The following ZFAND2B variants were observed in gnomAD, a reference collection of about 807,000 sequenced individuals.
ZFAND2B encodes the protein AN1-type zinc finger protein 2B.
A neutral mutation model predicts 38.2 loss-of-function variants in ZFAND2B; 27 were observed. The ratio of observed to expected loss-of-function variants is 0.71; its 90% CI spans 0.52 to 0.97. The LOEUF is 0.97. Ranked by LOEUF, ZFAND2B falls within the 50% of genes least tolerant of loss-of-function variation. The pLI is 0.00. For missense variants in ZFAND2B, 303 were observed against 331.5 expected, an observed-to-expected ratio of 0.91 and a Z score of 0.67; for synonymous variants, 111 against 119.4, an observed-to-expected ratio of 0.93 and a Z score of 0.46.
At position 219,207,645 on chromosome 2, in the gene ZFAND2B, C is replaced by T. The variant is rs757125611; in HGVS notation, c.151-3C>T. The T allele has an allele frequency of 1.2e-6, 2 of 1,614,188 alleles. No individual in the cohort carries two copies. Among genetic ancestry groups the T allele is most frequent in the Non-Finnish European group, 1.7e-6 (2 of 1,180,006 alleles). ...CAGACTGACCCTTGCTCCTTGACTA[C>T]AGGATATCCAGGTACCTGTGTGCCC... On this transcript the variant is annotated splice_polypyrimidine_tract_variant and splice_region_variant and intron_variant, in intron 2 of 8. Transcript: ENST00000289528.
rs140672104 is a variant in ZFAND2B, at chr2:219,208,031, C to T, written c.427C>T (p.Arg143Trp). Residue 143 changes from arginine to tryptophan, a missense_variant, in exon 4 of 9, where the codon CGG (arginine) becomes TGG (tryptophan). Coordinates refer to ENST00000289528, the MANE Select transcript of ZFAND2B (RefSeq NM_138802.3). ...CTCTGGGGAGGGGCACCCAACCAGC[C>T]GGGCAGGGTAATGGCAGCCAAGTCC... is the stretch of plus-strand genomic sequence containing the variant. Reference protein sequence around the residue: ...DCSGEGHPTSRAGLAAISRAQ... With the variant: ...DCSGEGHPTSWAGLAAISRAQ... 6.6e-4 allele frequency: 1,070 copies of T among 1,613,980 alleles called. 1 individual carries two copies. The highest frequency in any genetic ancestry group is 8.3e-4 in the Non-Finnish European group (976 of 1,180,024).
intron 2 of ZFAND2B, 73 bp from the exon 3 acceptor site, chr2:219,207,575 C>CAGGA: frequency 6.2e-7 from 1 of 1,602,152 alleles, no homozygotes; most frequent in South Asian, 1.1e-5. Flanking sequence ...TGGGTCATAT[C>CAGGA]CAAGTTCTTT....
At position 219,208,985 on chromosome 2, in the gene ZFAND2B, AG is replaced by A; in HGVS notation, c.667del (p.Glu223LysfsTer4). ...CTGTTTCTCCCTCCCAGTTGTCAGG[AG>A]GAAGAAGACCTAGCTTTAGCACAAG... ...ETKPQVPSCQEEEDLALAQAL... is the reference protein window; with the variant it reads ...ETKPQVPSCQXEEDLALAQAL... On this transcript the variant is annotated frameshift_variant, in exon 8 of 9. Transcript: ENST00000289528. LOFTEE classifies it high-confidence loss of function. The A allele has an allele frequency of 5.0e-6, 8 of 1,614,176 alleles. No individual in the cohort carries two copies. The highest frequency in any genetic ancestry group is 6.8e-6 in the Non-Finnish European group (8 of 1,180,028).
rs1950546083 is a variant in ZFAND2B at position 219,209,509 on chromosome 2, G to A, written c.*203G>A. The A allele has an allele frequency of 1.4e-6, 1 of 731,312 alleles. No homozygotes were observed. The highest frequency in any genetic ancestry group is 1.5e-5 in the South Asian group (1 of 67,138). 45.3% of individuals were successfully genotyped at this position (731,312 alleles called of 1,614,324 possible). On this transcript the variant is annotated 3_prime_UTR_variant, in exon 9 of 9. Transcript: ENST00000289528. ...AGCGGCTAGCAACTGTTCCCTGGTT[G>A]GGCCCTCAGTGGATGCTGGCCAGGC...
intron 6 of ZFAND2B, 40 bp from the exon 7 acceptor site, chr2:219,208,532 G>A: frequency 6.2e-7 from 1 of 1,614,226 alleles, no homozygotes; most frequent in Non-Finnish European, 8.5e-7. Flanking sequence ...CACACAGAGA[G>A]TGAAGTCCAA....
At chr2:219,208,526 C>A (rs2106416881) in intron 6 of ZFAND2B, 40 bp downstream of exon 6, 3 of 1,614,260 alleles carry the variant, frequency 1.9e-6, no homozygotes, top group South Asian at 1.1e-5. Context: ...AACAAACACA[C>A]AGAGAGTGAA....
chr2:219,208,437 G>C lies in ZFAND2B; in HGVS notation c.539G>C (p.Arg180Pro). ...SCTSPSRATT[R>P]SPSWTAPPVI... is the part of the protein sequence containing the mutation. ...AATGTCTGTCGTAGAGCCACAACCC[G>C]ATCTCCGTCCTGGACAGCCCCTCCA... Residue 180 changes from arginine (R) to proline (P), a missense_variant, in exon 6 of 9, where the codon CGA becomes CCA. Physicochemically the swap from Arg to Pro is moderately radical, Grantham distance 103. Coordinates refer to ENST00000289528, the MANE Select transcript of ZFAND2B (RefSeq NM_138802.3). The C allele has an allele frequency of 2.5e-6, 4 of 1,614,180 alleles. No individual in the cohort carries two copies. The highest frequency in any genetic ancestry group is 2.5e-6 in the Non-Finnish European group (3 of 1,180,034).
chr2:219,208,946 T>G, intron 7 of ZFAND2B, 31 bp from the exon 8 acceptor site: 1 of 1,609,840 alleles, frequency 6.2e-7, no homozygotes, highest in South Asian at 1.1e-5. Context: ...GATCTTACCA[T>G]CATCCAACTT....
At chr2:219,207,291 T>A (rs186791156) in intron 1 of ZFAND2B, 36 bp from the exon 2 acceptor site, 2 of 1,602,526 alleles carry the variant, frequency 1.2e-6, no homozygotes, top group African/African-American at 1.3e-5. Context: ...GACATCGAGG[T>A]CCCGCTGGAC....
intron 7 of ZFAND2B, 135 bp from the exon 8 acceptor site, chr2:219,208,842 C>T: frequency 9.3e-7 from 1 of 1,080,490 alleles, no homozygotes; most frequent in Non-Finnish European, 1.4e-6. Context: ...ATACTAATAC[C>T]CACCTTGTAG....
Position 219,208,272 on chromosome 2 carries a change from A to G in ZFAND2B, c.451A>G (p.Arg151Gly). ...TCCCTACAGACTTGCTGCCATCTCC[A>G]GAGCACAAGCTGTGGCTTCTACAAG... is the stretch of plus-strand genomic sequence containing the variant. ...TSRAGLAAIS[R>G]AQAVASTSTV... The change falls in exon 5 of 9, where the codon AGA becomes GGA. Residue 151 changes from arginine to glycine, a missense_variant. Arg to Gly is a moderately radical substitution (Grantham distance 125). Coordinates refer to ENST00000289528, the MANE Select transcript of ZFAND2B (RefSeq NM_138802.3). 1 of 1,614,186 alleles carries G rather than the reference A, an allele frequency of 6.2e-7. No homozygotes were observed. Among genetic ancestry groups the G allele is most frequent in the Non-Finnish European group, 8.5e-7 (1 of 1,180,020 alleles).
rs1444754015 is a variant in ZFAND2B, at chr2:219,207,432, G to A, written c.150+11G>A. The A allele has an allele frequency of 5.6e-6, 9 of 1,606,714 alleles. No individual in the cohort carries two copies. The South Asian group carries it at 8.8e-5, about 16-fold the overall frequency. The stretch of plus-strand genomic sequence containing the variant: ...TCTGCTTACCAAAAGGTGAGGGGGC[G>A]ATCCTCAGGGTGAAAGCAGGCAGAT... On this transcript the variant is annotated intron_variant, in intron 2 of 8. Coordinates refer to ENST00000289528, the MANE Select transcript of ZFAND2B (RefSeq NM_138802.3).
chr2:219,207,896 A>T lies in ZFAND2B; in HGVS notation c.292A>T (p.Asn98Tyr). 1 of 1,614,144 alleles carries T rather than the reference A, an allele frequency of 6.2e-7. No homozygotes were observed. The highest frequency in any genetic ancestry group is 8.5e-7 in the Non-Finnish European group (1 of 1,180,026). ...TCTCACTTCACCTCAGATCTTCACCAATAAGTGTGAACGCGCTGGCTGCCG... is the reference window on the plus strand; with the variant it reads ...TCTCACTTCACCTCAGATCTTCACCTATAAGTGTGAACGCGCTGGCTGCCG... ...PAQQKRKIFT[N>Y]KCERAGCRQR... is the part of the protein sequence containing the mutation. The change falls in exon 4 of 9, where the codon AAT becomes TAT. Residue 98 changes from asparagine to tyrosine, a missense_variant. Transcript: ENST00000289528.
At chr2:219,208,924 G>A (rs1559232706) in intron 7 of ZFAND2B, 53 bp from the exon 8 acceptor site, 1 of 1,581,448 alleles carries the variant, frequency 6.3e-7, no homozygotes, top group Non-Finnish European at 8.7e-7. Context: ...CAGATCAGAT[G>A]TTCAAATTTC....
chr2:219,207,355 C>T lies in ZFAND2B; in HGVS notation c.84C>T (p.Cys28=), dbSNP rs1950501622. 1.9e-6 allele frequency: 3 copies of T among 1,613,816 alleles called. No individual in the cohort carries two copies. In the Admixed American group the frequency reaches 5.0e-5, roughly 27 times the overall value. Reference sequence around the variant, plus strand: ...TTCTGCCGCTTAAGTGTGATGCCTGCTCAGGCATCTTCTGCGCAGACCATG... The same window carrying T: ...TTCTGCCGCTTAAGTGTGATGCCTGTTCAGGCATCTTCTGCGCAGACCATG... ...LDFLPLKCDA[C]SGIFCADHVA... Residue 28 remains cysteine, a synonymous_variant, in exon 2 of 9, where the codon TGC becomes TGT. Coordinates refer to ENST00000289528, the MANE Select transcript of ZFAND2B (RefSeq NM_138802.3).
At chr2:219,207,594 G>C in intron 2 of ZFAND2B, 54 bp from the exon 3 acceptor site, 2 of 1,605,198 alleles carry the variant, frequency 1.2e-6, no homozygotes, top group South Asian at 1.1e-5. Context: ...TTCAGGACCA[G>C]AGATTTGTTG....
chr2:219,209,527 G>T lies in ZFAND2B; in HGVS notation c.*221G>T. On this transcript the variant is annotated 3_prime_UTR_variant, in exon 9 of 9. Coordinates refer to ENST00000289528, the MANE Select transcript of ZFAND2B (RefSeq NM_138802.3). The stretch of plus-strand genomic sequence containing the variant: ...CCTGGTTGGGCCCTCAGTGGATGCT[G>T]GCCAGGCCCTACTCTTAGCCCCTTC... 1.4e-6 allele frequency: 1 copy of T among 709,884 alleles called. No homozygotes were observed. The highest frequency in any genetic ancestry group is 2.6e-6 in the Non-Finnish European group (1 of 382,696). The allele number at this position is 709,884 out of a possible 1,614,324, so 44.0% of individuals were successfully genotyped here.
In ZFAND2B at chr2:219,209,542, T is replaced by A. The variant is rs1308260617; in HGVS notation, c.*236T>A. 1.4e-6 allele frequency: 1 copy of A among 701,496 alleles called. No homozygotes were observed. The highest frequency in any genetic ancestry group is 2.7e-6 in the Non-Finnish European group (1 of 376,298). The allele number at this position is 701,496 out of a possible 1,614,324, so 43.5% of individuals were successfully genotyped here. On this transcript the variant is annotated 3_prime_UTR_variant, in exon 9 of 9. Coordinates refer to ENST00000289528, the MANE Select transcript of ZFAND2B (RefSeq NM_138802.3). ...AGTGGATGCTGGCCAGGCCCTACTC[T>A]TAGCCCCTTCATCATGTCATCTCCC...
intron 3 of ZFAND2B, 40 bp downstream of exon 3, chr2:219,207,819 A>G: frequency 1.2e-6 from 2 of 1,613,568 alleles, no homozygotes; most frequent in Non-Finnish European, 1.7e-6. Context: ...AGCTGGGACT[A>G]CGGATGCCTG....
Sources: gnomAD v4.1 joint callset for allele counts on GRCh38, gnomAD v4.1.1 for gene constraint, MANE v1.5 for transcripts, NCBI Gene and HGNC (gene_info 2026-07-23, HGNC 2026-07-21) for gene names.